GANC: variants seen among roughly 807,000 people sequenced by gnomAD.
GANC encodes the protein neutral alpha-glucosidase C.
GANC carries 117 observed loss-of-function variants against 124.2 expected under a neutral mutation model. The observed-to-expected ratio is 0.94, with a 90% CI of 0.81 to 1.10. GANC has a LOEUF of 1.10. Among genes scored for constraint, GANC ranks in the 50% least tolerant of loss-of-function variants. The pLI is 0.00. For missense variants in GANC, 1,140 were observed against 1,095.0 expected (o/e 1.04, Z -0.58); for synonymous variants, 377 against 376.8 (o/e 1.00, Z -0.01).
intron 6 of GANC, among the ~76,000 whole-genome samples, chr15:42,305,469 G>T (rs1019209003): frequency 1.3e-5 from 2 of 152,222 alleles, no homozygotes; most frequent in African/African-American, 4.8e-5. Context: ...AGAGGATGTG[G>T]AGAAATATGA....
chr15:42,339,801 G>A lies in GANC; in HGVS notation c.1976G>A (p.Gly659Glu). The change falls in exon 17 of 24, where the codon GGG becomes GAG. Residue 659 changes from glycine to glutamate, a missense_variant. Transcript: ENST00000318010. ...NTKRREPWLF[G>E]EEHTRLIREA... ...AAGCGACGAGAGCCCTGGCTCTTTG[G>A]GGAGGAACACACCCGACTCATCCGA... 1 of 1,614,150 alleles carries A rather than the reference G, an allele frequency of 6.2e-7. No individual in the cohort carries two copies.
In GANC at chr15:42,306,539, C is replaced by T. The variant is rs748510035; in HGVS notation, c.559-7C>T. On this transcript the variant is annotated splice_polypyrimidine_tract_variant and splice_region_variant and intron_variant, in intron 6 of 23. Transcript: ENST00000318010. ...AACTCAGTTTGCTCCCTTTTTTGTACCAACAGGAAAATCAAGAAGATCTGG... is the reference window on the plus strand; with the variant it reads ...AACTCAGTTTGCTCCCTTTTTTGTATCAACAGGAAAATCAAGAAGATCTGG... The T allele has an allele frequency of 3.1e-6, 5 of 1,605,620 alleles. No individual in the cohort carries two copies. In the African/African-American group the frequency reaches 5.4e-5, roughly 17 times the overall value.
intron 7 of GANC, among the ~76,000 whole-genome samples, 156 bp downstream of exon 7, chr15:42,306,768 T>G (rs1368018751): frequency 3.3e-5 from 5 of 152,218 alleles, no homozygotes; most frequent in Non-Finnish European, 4.4e-5. Flanking sequence ...AGTAATGCAT[T>G]GCATCAGAGA....
Position 42,340,767 on chromosome 15 carries a change from G to GGT in GANC, c.2152+13_2152+14insGT. 2.2e-6 allele frequency: 3 copies of GGT among 1,375,166 alleles called. No homozygotes were observed. The highest frequency in any genetic ancestry group is 2.9e-6 in the Non-Finnish European group (3 of 1,030,126). The allele number at this position is 1,375,166 out of a possible 1,614,324, so 85.2% of individuals were successfully genotyped here. A position where few individuals can be genotyped will look rare whatever the true frequency, so the allele number is the denominator to read the frequency against. ...GAATACATGCTGGGTGAGCATTTCT[G>GGT]TTTTTTTTTTTTTTTTTGAGACGGA... On this transcript the variant is annotated intron_variant, in intron 18 of 23. Coordinates refer to ENST00000318010, the MANE Select transcript of GANC (RefSeq NM_198141.3).
chr15:42,282,872 T>C (rs1335290205), intron 3 of GANC, among the ~76,000 whole-genome samples: 6 of 152,172 alleles, frequency 3.9e-5, no homozygotes, highest in African/African-American at 1.2e-4. Flanking sequence ...TGGTGAGGGC[T>C]CTCTTCTTGG....
At chr15:42,327,294 T>C in intron 12 of GANC, 69 bp from the exon 13 acceptor site, 1 of 1,198,572 alleles carries the variant, frequency 8.3e-7, no homozygotes, top group Non-Finnish European at 1.2e-6. Context: ...ATCTGATACC[T>C]TCTTTACAAT....
intron 11 of GANC, among the ~76,000 whole-genome samples, chr15:42,324,468 A>G (rs1343349486): frequency 6.6e-6 from 1 of 152,182 alleles, no homozygotes; most frequent in Non-Finnish European, 1.5e-5. Context: ...GAACCTGAAA[A>G]GATATTTATA....
Position 42,338,452 on chromosome 15 carries a change from T to TA in GANC, c.1806dup (p.Leu603ThrfsTer14). The TA allele has an allele frequency of 6.2e-7, 1 of 1,614,074 alleles. No homozygotes were observed. The highest frequency in any genetic ancestry group is 1.1e-5 in the South Asian group (1 of 91,086). ...AACTTGAAAATTTCTATCCCAATGT[T>TA]ACTCACTCTCAGCATTACTGGGATC... is the stretch of plus-strand genomic sequence containing the variant. On this transcript the variant is annotated frameshift_variant, in exon 16 of 24. Transcript: ENST00000318010. LOFTEE classifies it high-confidence loss of function.
chr15:42,308,212 G>A lies in GANC; in HGVS notation c.626-10G>A. 1.3e-6 allele frequency: 2 copies of A among 1,555,466 alleles called. No individual in the cohort carries two copies. The highest frequency in any genetic ancestry group is 8.8e-7 in the Non-Finnish European group (1 of 1,134,842). On this transcript the variant is annotated splice_polypyrimidine_tract_variant and intron_variant, in intron 7 of 23. Transcript: ENST00000318010. ...TTCAGAAACAAAACTCAGTATCCTGGTCTCTACAGGCCCTTCTTCTATTGG... is the reference window on the plus strand; with the variant it reads ...TTCAGAAACAAAACTCAGTATCCTGATCTCTACAGGCCCTTCTTCTATTGG...
Position 42,274,485 on chromosome 15 carries a change from G to A in GANC, c.4G>A (p.Glu2Lys), listed in dbSNP as rs774011239. 4 of 1,610,992 alleles carry A rather than the reference G, an allele frequency of 2.5e-6. No individual in the cohort carries two copies. Among genetic ancestry groups the A allele is most frequent in the South Asian group, 1.1e-5 (1 of 90,030 alleles). The change falls in exon 1 of 24, where the codon GAA becomes AAA. Residue 2 changes from glutamate (E) to lysine (K), a missense_variant. By Grantham distance (56) the Glu-to-Lys change is moderately conservative. Transcript: ENST00000318010. Reference protein sequence around the residue: MEAAVKEEISLE... With the variant: MKAAVKEEISLE... ...TGGTCGGAGTGACAGAGAAGCCATGGAAGCAGCAGTGAAAGAGGAAATAAG... is the reference window on the plus strand; with the variant it reads ...TGGTCGGAGTGACAGAGAAGCCATGAAAGCAGCAGTGAAAGAGGAAATAAG...
chr15:42,291,205 T>C (rs1350395310), intron 4 of GANC, among the ~76,000 whole-genome samples: 1 of 152,212 alleles, frequency 6.6e-6, no homozygotes, highest in African/African-American at 2.4e-5. Flanking sequence ...GAGGAATTCC[T>C]AGACCAGAAA....
chr15:42,279,024 A>G (rs1595761187), intron 3 of GANC, among the ~76,000 whole-genome samples: 2 of 152,272 alleles, frequency 1.3e-5, no homozygotes, highest in African/African-American at 4.8e-5. Flanking sequence ...AAGAAAATGA[A>G]TGTCATCTTT....
In GANC at chr15:42,292,935, T is replaced by A; in HGVS notation, c.512+18T>A. 1 of 1,609,128 alleles carries A rather than the reference T, an allele frequency of 6.2e-7. No individual in the cohort carries two copies. Among genetic ancestry groups the A allele is most frequent in the Non-Finnish European group, 8.5e-7 (1 of 1,175,846 alleles). The stretch of plus-strand genomic sequence containing the variant: ...AAACAAAGGTATTCTTATGCATTAC[T>A]TGACACATAAAGACCTTAACATAAC... On this transcript the variant is annotated intron_variant, in intron 5 of 23. Coordinates refer to ENST00000318010, the MANE Select transcript of GANC (RefSeq NM_198141.3).
chr15:42,283,674 C>T (rs1380728137), intron 3 of GANC: 1 of 702,478 alleles, frequency 1.4e-6, no homozygotes, highest in African/African-American at 1.7e-5. Flanking sequence ...GCAGGAATAT[C>T]TCTGAGCACC....
In GANC at chr15:42,298,458, A is replaced by G. The variant is rs764460483; in HGVS notation, c.558+802A>G. 1.3e-5 allele frequency among the ~76,000 whole-genome samples: 2 copies of G among 152,180 alleles called. 1 individual carries two copies. Among genetic ancestry groups the G allele is most frequent in the South Asian group, 4.1e-4 (2 of 4,832 alleles). ...ATTGAAAAATATAAGTCCCCCATTT[A>G]TCATGCAGCTTACCTTCTTCCAAGC... is the stretch of plus-strand genomic sequence containing the variant. On this transcript the variant is annotated intron_variant, in intron 6 of 23. Coordinates refer to ENST00000318010, the MANE Select transcript of GANC (RefSeq NM_198141.3).
intron 8 of GANC, among the ~76,000 whole-genome samples, chr15:42,308,642 C>T (rs2052021523): frequency 6.6e-6 from 1 of 152,118 alleles, no homozygotes; most frequent in African/African-American, 2.4e-5. Context: ...TGTCACCACG[C>T]CTGGCTAATT....
rs768180955 is a variant in GANC at position 42,352,158 on chromosome 15, G to C, written c.*19G>C. 4 of 1,614,014 alleles carry C rather than the reference G, an allele frequency of 2.5e-6. No individual in the cohort carries two copies. Among genetic ancestry groups the C allele is most frequent in the Non-Finnish European group, 3.4e-6 (4 of 1,179,948 alleles). Reference sequence around the variant, plus strand: ...CATATGACAAAGAACTGCCCCTGGTGATGTGAGCAGGGACCTGCCTGCCCC... The same window carrying C: ...CATATGACAAAGAACTGCCCCTGGTCATGTGAGCAGGGACCTGCCTGCCCC... On this transcript the variant is annotated 3_prime_UTR_variant, in exon 24 of 24. Transcript: ENST00000318010.
chr15:42,352,575 C>G lies in GANC; in HGVS notation c.*436C>G, dbSNP rs181916632. 9.6e-5 allele frequency: 97 copies of G among 1,012,612 alleles called. No individual in the cohort carries two copies. Among genetic ancestry groups the G allele is most frequent in the Non-Finnish European group, 1.1e-4 (93 of 845,234 alleles). The allele number at this position is 1,012,612 out of a possible 1,614,324, so 62.7% of individuals were successfully genotyped here. A position where few individuals can be genotyped will look rare whatever the true frequency, so the allele number is the denominator to read the frequency against. ...GGCCAGTGTCCAAGTGGACAGCAGC[C>G]TCTGGTACTCCCCCCAGTTATCTTC... On this transcript the variant is annotated 3_prime_UTR_variant, in exon 24 of 24. Transcript: ENST00000318010.
intron 9 of GANC, 46 bp from the exon 10 acceptor site, chr15:42,310,647 A>G: frequency 6.3e-7 from 1 of 1,588,556 alleles, no homozygotes. Flanking sequence ...TGGATGTTGC[A>G]GGTTAGAGGG....
Sources: allele counts gnomAD v4.1 joint callset (sites outside exome capture counted in the v4.1 genomes callset), GRCh38; gene constraint gnomAD v4.1.1; transcripts MANE v1.5; gene names NCBI Gene and HGNC (gene_info 2026-07-23, HGNC 2026-07-21).